The following LIPC variants were observed in gnomAD, a reference collection of about 807,000 sequenced individuals.
The protein encoded by LIPC is lipase C, hepatic type.
In LIPC, 44 loss-of-function variants were observed where a neutral mutation model predicts 50.7. The observed-to-expected ratio is 0.87, with a 90% CI of 0.68 to 1.11. The LOEUF (loss-of-function observed/expected upper bound fraction) is 1.11. Among genes scored for constraint, LIPC ranks in the 50% most tolerant of loss-of-function variants. The pLI is 0.00. For synonymous variants in LIPC, 271 were observed against 256.4 expected (o/e 1.06, Z -0.54); for missense variants, 697 against 648.2 (o/e 1.08, Z -0.82).
At chr15:58,439,012 G>C (rs1422231446) in intron 1 of LIPC, among the ~76,000 whole-genome samples, 1 of 152,226 alleles carries the variant, frequency 6.6e-6, no homozygotes, top group African/African-American at 2.4e-5. Context: ...ACCTCCACTT[G>C]TGCAGGTTCA....
Position 58,503,262 on chromosome 15 carries a change from G to A in LIPC, c.89-35071G>A, listed in dbSNP as rs540536214. Among the ~76,000 whole-genome samples, 6 of 152,288 alleles carry A rather than the reference G, an allele frequency of 3.9e-5. 1 individual carries two copies. In the South Asian group the frequency reaches 1.2e-3, roughly 32 times the overall value. On this transcript the variant is annotated intron_variant, in intron 1 of 8. Transcript: ENST00000299022. The stretch of plus-strand genomic sequence containing the variant: ...AACCAAGATTTTATTTGTCTTCCTG[G>A]TGTAAGAGAACTTGGTGGGTTCCTT...
chr15:58,496,826 A>G (rs879317890), intron 1 of LIPC, among the ~76,000 whole-genome samples: 1 of 149,722 alleles, frequency 6.7e-6, no homozygotes, highest in Non-Finnish European at 1.5e-5. Flanking sequence ...CAGGGATTAC[A>G]GGTCTGCGCC....
At chr15:58,518,293 G>A (rs1263478947) in intron 1 of LIPC, among the ~76,000 whole-genome samples, 1 of 152,162 alleles carries the variant, frequency 6.6e-6, no homozygotes, top group East Asian at 1.9e-4. Flanking sequence ...CCCCTCAGTT[G>A]AAAACCACTG....
chr15:58,444,408 C>G (rs896734127), intron 1 of LIPC, among the ~76,000 whole-genome samples: 1 of 152,174 alleles, frequency 6.6e-6, no homozygotes, highest in Non-Finnish European at 1.5e-5. Context: ...GTGCTAGGAC[C>G]CCAACATGGT....
intron 1 of LIPC, among the ~76,000 whole-genome samples, chr15:58,484,409 G>A (rs1420940890): frequency 6.6e-6 from 1 of 152,212 alleles, no homozygotes; most frequent in African/African-American, 2.4e-5. Flanking sequence ...ATCATGGAGG[G>A]TGTATCCAGG....
At chr15:58,503,467 T>A (rs750813125) in intron 1 of LIPC, among the ~76,000 whole-genome samples, 1 of 152,136 alleles carries the variant, frequency 6.6e-6, no homozygotes, top group African/African-American at 2.4e-5. Flanking sequence ...CAAGGAATCA[T>A]TGGCAGGACT....
intron 1 of LIPC, among the ~76,000 whole-genome samples, chr15:58,512,930 C>T (rs1892373769): frequency 6.7e-6 from 1 of 150,092 alleles, no homozygotes; most frequent in Admixed American, 6.6e-5. Context: ...CTTTCATCTC[C>T]ATTATATTGG....
intron 1 of LIPC, among the ~76,000 whole-genome samples, chr15:58,537,649 C>A (rs954456009): frequency 6.6e-6 from 1 of 152,096 alleles, no homozygotes; most frequent in South Asian, 2.1e-4. Context: ...CCACCCCTGA[C>A]CCCCGCAACA....
intron 1 of LIPC, among the ~76,000 whole-genome samples, chr15:58,503,659 G>A (rs542876491): frequency 1.3e-4 from 20 of 152,304 alleles, no homozygotes; most frequent in African/African-American, 2.2e-4. Flanking sequence ...CCACTGGGCC[G>A]CACCACCCAG....
At position 58,520,188 on chromosome 15, in the gene LIPC, C is replaced by T. The variant is rs531969227; in HGVS notation, c.89-18145C>T. 2.0e-5 allele frequency among the ~76,000 whole-genome samples: 3 copies of T among 149,290 alleles called. No homozygotes were observed. The East Asian group carries it at 6.0e-4, about 30-fold the overall frequency. ...TTTGTGGTCTTTGAATGTGTGTCAG[C>T]CATGGAAACCTTCCTACAAACAGAA... On this transcript the variant is annotated intron_variant, in intron 1 of 8. Coordinates refer to ENST00000299022, the MANE Select transcript of LIPC (RefSeq NM_000236.3).
At chr15:58,441,128 G>A (rs1189498115) in intron 1 of LIPC, among the ~76,000 whole-genome samples, 1 of 152,174 alleles carries the variant, frequency 6.6e-6, no homozygotes, top group Non-Finnish European at 1.5e-5. Flanking sequence ...CAGGGGTGGG[G>A]CCCAGCAGGG....
chr15:58,479,456 G>C (rs904384999), intron 1 of LIPC, among the ~76,000 whole-genome samples: 2 of 152,202 alleles, frequency 1.3e-5, no homozygotes, highest in African/African-American at 4.8e-5. Context: ...CAGGCAATTA[G>C]CAGTGTTTGC....
At chr15:58,507,468 G>A (rs1367086495) in intron 1 of LIPC, among the ~76,000 whole-genome samples, 2 of 152,140 alleles carry the variant, frequency 1.3e-5, no homozygotes, top group East Asian at 1.9e-4. Context: ...AAGGTCTTGC[G>A]ACATATCTAC....
At chr15:58,490,296 G>A (rs555789963) in intron 1 of LIPC, among the ~76,000 whole-genome samples, 52 of 152,244 alleles carry the variant, frequency 3.4e-4, no homozygotes, top group Admixed American at 4.6e-4. Context: ...TCTAAGAGCC[G>A]GTCACCTCCA....
chr15:58,541,265 C>T (rs1470189878), intron 2 of LIPC, among the ~76,000 whole-genome samples: 2 of 152,110 alleles, frequency 1.3e-5, no homozygotes, highest in African/African-American at 2.4e-5. Context: ...CTATGTCAGG[C>T]TCACAGTGCC....
At position 58,568,775 on chromosome 15, in the gene LIPC, T is replaced by C. The variant is rs1256477070; in HGVS notation, c.1448T>C (p.Ile483Thr). 6.2e-7 allele frequency: 1 copy of C among 1,611,828 alleles called. No homozygotes were observed. Among genetic ancestry groups the C allele is most frequent in the East Asian group, 2.2e-5 (1 of 44,794 alleles). Residue 483 changes from isoleucine to threonine, a missense_variant, in exon 9 of 9, where the codon ATC (isoleucine) becomes ACC (threonine). Coordinates refer to ENST00000299022, the MANE Select transcript of LIPC (RefSeq NM_000236.3). ...DLLLRPTQEK[I>T]FVKCEIKSKT... The stretch of plus-strand genomic sequence containing the variant: ...CTACTTCGCCCAACCCAGGAAAAAA[T>C]CTTCGTGAAATGTGAAATAAAGTCT...
intron 1 of LIPC, among the ~76,000 whole-genome samples, chr15:58,463,390 A>G (rs769210083): frequency 6.6e-6 from 1 of 152,194 alleles, no homozygotes; most frequent in Non-Finnish European, 1.5e-5. Flanking sequence ...CCCAGACCAC[A>G]CCAAGCTTTC....
chr15:58,511,067 C>T (rs1190347617), intron 1 of LIPC, among the ~76,000 whole-genome samples: 1 of 152,188 alleles, frequency 6.6e-6, no homozygotes, highest in Non-Finnish European at 1.5e-5. Context: ...AGAGACTTCC[C>T]TAACATAACT....
chr15:58,457,793 T>A (rs1441364729), intron 1 of LIPC, among the ~76,000 whole-genome samples: 1 of 152,182 alleles, frequency 6.6e-6, no homozygotes, highest in Non-Finnish European at 1.5e-5. Context: ...ATGGTAAGGA[T>A]TTCCATCTTG....
Sources: gnomAD v4.1 joint callset for allele counts (sites outside exome capture counted in the v4.1 genomes callset) on GRCh38, gnomAD v4.1.1 for gene constraint, MANE v1.5 for transcripts, NCBI Gene and HGNC (gene_info 2026-07-23, HGNC 2026-07-21) for gene names.